Variants in JAZF1 observed in about 807,000 individuals in gnomAD.
JAZF1 encodes the protein juxtaposed with another zinc finger protein 1.
In JAZF1, 8 loss-of-function variants were observed where a neutral mutation model predicts 26.4. That is an observed-to-expected ratio of 0.30 (90% CI 0.18 to 0.55). JAZF1 has a LOEUF of 0.55. JAZF1 is among the 20% of genes least tolerant of loss of function. The probability of loss-of-function intolerance (pLI) is 0.94; values close to 1 mark genes in which losing one functional copy is unlikely to be tolerated. For synonymous variants in JAZF1, 126 were observed against 122.3 expected (o/e 1.03, Z -0.20); for missense variants, 199 against 322.0 (o/e 0.62, Z 2.92).
chr7:28,142,210 A>T lies in JAZF1; in HGVS notation c.115+38253T>A, dbSNP rs538250103. On this transcript the variant is annotated intron_variant, in intron 1 of 4. Coordinates refer to ENST00000283928, the MANE Select transcript of JAZF1 (RefSeq NM_175061.4). Reference sequence around the variant, plus strand: ...TACTGCCCATAAACATCATCTGGGGAGCTCAGTGAAATTCCTGGACCTCAT... The same window carrying T: ...TACTGCCCATAAACATCATCTGGGGTGCTCAGTGAAATTCCTGGACCTCAT... Among the ~76,000 whole-genome samples, 147 of 152,238 alleles carry T rather than the reference A, an allele frequency of 9.7e-4. 1 individual carries two copies. The highest frequency in any genetic ancestry group is 1.5e-3 in the Non-Finnish European group (104 of 68,014).
intron 1 of JAZF1, among the ~76,000 whole-genome samples, chr7:28,051,868 G>T (rs899186831): frequency 1.3e-5 from 2 of 152,104 alleles, no homozygotes; most frequent in African/African-American, 4.8e-5. Context: ...TGATTTAGAC[G>T]GGCATTAGAA....
chr7:28,033,795 C>G (rs1001479176), intron 1 of JAZF1, among the ~76,000 whole-genome samples: 28 of 152,074 alleles, frequency 1.8e-4, no homozygotes, highest in Non-Finnish European at 7.4e-5. Context: ...CAGGCTGGAA[C>G]GCAGAGACAC....
At chr7:27,895,544 A>C in intron 2 of JAZF1, 128 bp from the exon 3 acceptor site, 2 of 508,088 alleles carry the variant, frequency 3.9e-6, no homozygotes, top group African/African-American at 2.0e-5. Context: ...TCCCAATCTC[A>C]AAAACTCACA....
chr7:27,867,130 T>C (rs1014029089), intron 3 of JAZF1, among the ~76,000 whole-genome samples: 1 of 152,134 alleles, frequency 6.6e-6, no homozygotes, highest in Non-Finnish European at 1.5e-5. Context: ...GCTATATTTA[T>C]AGAGGGTACA....
At chr7:28,104,215 CCA>C (rs1366293207) in intron 1 of JAZF1, among the ~76,000 whole-genome samples, 3 of 152,154 alleles carry the variant, frequency 2.0e-5, no homozygotes, top group Non-Finnish European at 4.4e-5. Flanking sequence ...TGTGACAACC[CCA>C]CACTCCCCCT....
rs149828894 is a variant in JAZF1 at position 28,147,001 on chromosome 7, C to T, written c.115+33462G>A. Among the ~76,000 whole-genome samples, 292 of 151,576 alleles carry T rather than the reference C, an allele frequency of 1.9e-3. 8 individuals are homozygous for T. In the East Asian group the frequency reaches 0.052, roughly 27 times the overall value. On this transcript the variant is annotated intron_variant, in intron 1 of 4. Transcript: ENST00000283928. ...CCTACTAGGTAGCTGGGATTACAGG[C>T]GCCCGCCACTACACTTGGCTAATTT... is the stretch of plus-strand genomic sequence containing the variant.
At chr7:27,892,592 T>C (rs868865136) in intron 3 of JAZF1, among the ~76,000 whole-genome samples, 2 of 152,218 alleles carry the variant, frequency 1.3e-5, no homozygotes, top group African/African-American at 4.8e-5. Context: ...ATTCATATTA[T>C]ATGTGAATAA....
At chr7:28,135,126 T>C (rs1370683366) in intron 1 of JAZF1, among the ~76,000 whole-genome samples, 2 of 152,226 alleles carry the variant, frequency 1.3e-5, no homozygotes, top group Non-Finnish European at 2.9e-5. Context: ...TTGAGAAATA[T>C]AGACTATTTG....
intron 1 of JAZF1, among the ~76,000 whole-genome samples, chr7:28,109,821 G>T (rs532619016): frequency 6.6e-6 from 1 of 152,112 alleles, no homozygotes; most frequent in Non-Finnish European, 1.5e-5. Flanking sequence ...CTCATCTCCC[G>T]AAGGCCAAAC....
chr7:28,158,197 A>AGG (rs1783222768), intron 1 of JAZF1, among the ~76,000 whole-genome samples: 1 of 151,570 alleles, frequency 6.6e-6, no homozygotes, highest in East Asian at 1.9e-4. Context: ...AGAGAGAGAG[A>AGG]GAGAGAGGGA....
chr7:27,905,618 T>A (rs1388791634), intron 2 of JAZF1, among the ~76,000 whole-genome samples: 1 of 151,832 alleles, frequency 6.6e-6, no homozygotes, highest in Admixed American at 6.5e-5. Flanking sequence ...AAATTTATAT[T>A]CTCTTTGGTA....
At chr7:27,892,697 T>C (rs936587017) in intron 3 of JAZF1, among the ~76,000 whole-genome samples, 2 of 152,228 alleles carry the variant, frequency 1.3e-5, no homozygotes, top group Non-Finnish European at 2.9e-5. Context: ...AAAAAGATCC[T>C]GGAAAGTCAA....
At chr7:28,020,606 T>C (rs1313683550) in intron 1 of JAZF1, 5 of 471,110 alleles carry the variant, frequency 1.1e-5, no homozygotes, top group Admixed American at 9.4e-5. Flanking sequence ...CATGTCTTCA[T>C]TTCTCAGCAT....
chr7:28,113,343 G>A (rs117824893), intron 1 of JAZF1, among the ~76,000 whole-genome samples: 221 of 152,180 alleles, frequency 1.5e-3, no homozygotes, highest in Middle Eastern at 0.01. Context: ...CACGTGTCCC[G>A]ACTCCTTTAC....
At chr7:28,024,938 A>C (rs190312160) in intron 1 of JAZF1, among the ~76,000 whole-genome samples, 1 of 152,350 alleles carries the variant, frequency 6.6e-6, no homozygotes, top group East Asian at 1.9e-4. Context: ...GCAGAATCAT[A>C]GACTGAGGTT....
At chr7:28,130,177 T>G (rs1245154550) in intron 1 of JAZF1, among the ~76,000 whole-genome samples, 1 of 152,206 alleles carries the variant, frequency 6.6e-6, no homozygotes, top group African/African-American at 2.4e-5. Context: ...TGCACATTAC[T>G]GGAGGCCTCT....
chr7:28,067,696 A>AG (rs1242830463), intron 1 of JAZF1, among the ~76,000 whole-genome samples: 12 of 152,258 alleles, frequency 7.9e-5, no homozygotes, highest in Non-Finnish European at 1.6e-4. Context: ...TGAACCAAGT[A>AG]GGGCAATTTC....
intron 2 of JAZF1, 67 bp downstream of exon 2, chr7:27,991,842 G>T: frequency 1.2e-6 from 1 of 864,720 alleles, no homozygotes; most frequent in Non-Finnish European, 1.9e-6. Flanking sequence ...TGTTAAAAAA[G>T]ATGTGTTTAA....
At chr7:27,996,336 T>C (rs528722572) in intron 1 of JAZF1, among the ~76,000 whole-genome samples, 6 of 152,318 alleles carry the variant, frequency 3.9e-5, no homozygotes, top group Admixed American at 3.9e-4. Flanking sequence ...GAAGATGTGA[T>C]ATCACGCCGT....
Sources: allele counts gnomAD v4.1 joint callset (sites outside exome capture counted in the v4.1 genomes callset), GRCh38; gene constraint gnomAD v4.1.1; transcripts MANE v1.5; gene names NCBI Gene and HGNC (gene_info 2026-07-23, HGNC 2026-07-21).